Variants in TMEM67 observed in about 807,000 individuals in gnomAD.
The protein encoded by TMEM67 is meckelin.
TMEM67 carries 124 observed loss-of-function variants against 136.6 expected under a neutral mutation model. The ratio of observed to expected loss-of-function variants is 0.91; its 90% CI spans 0.78 to 1.05. The LOEUF is 1.05. TMEM67 is among the 50% of genes least tolerant of loss of function. TMEM67 has a pLI of 0.00. For missense variants in TMEM67, 1,107 were observed against 1,178.4 expected (o/e 0.94, Z 0.89); for synonymous variants, 364 against 390.5 (o/e 0.93, Z 0.80).
intron 23 of TMEM67, among the ~76,000 whole-genome samples, chr8:93,808,140 T>C (rs1466550240): frequency 6.6e-6 from 1 of 150,858 alleles, no homozygotes; most frequent in Non-Finnish European, 1.5e-5. Context: ...AGAATATCAA[T>C]ATACAATAAA....
intron 7 of TMEM67, among the ~76,000 whole-genome samples, chr8:93,775,696 T>C (rs976845638): frequency 6.6e-6 from 1 of 152,242 alleles, no homozygotes; most frequent in African/African-American, 2.4e-5. Context: ...GCCTCTGTTC[T>C]GTTCCATTGG....
intron 14 of TMEM67, among the ~76,000 whole-genome samples, chr8:93,790,027 A>G (rs1012464136): frequency 6.6e-6 from 1 of 152,186 alleles, no homozygotes; most frequent in Non-Finnish European, 1.5e-5. Context: ...GCAGTAAACC[A>G]AGATTGCACC....
At chr8:93,764,297 T>C (rs992423559) in intron 4 of TMEM67, among the ~76,000 whole-genome samples, 1 of 152,224 alleles carries the variant, frequency 6.6e-6, no homozygotes, top group African/African-American at 2.4e-5. Context: ...AACCACTCTG[T>C]ACAGGGTAGC....
the TMEM67 span, among the ~76,000 whole-genome samples, chr8:93,830,194 G>C: frequency 6.6e-6 from 1 of 152,132 alleles, no homozygotes; most frequent in African/African-American, 2.4e-5. Flanking sequence ...GGCCCAAGAG[G>C]ACAGCATTTG....
Position 93,795,381 on chromosome 8 carries a change from A to C in TMEM67, c.1675-28A>C, listed in dbSNP as rs1031805472. Reference sequence around the variant, plus strand: ...GTGGTATATACATGGAGTCTTAAACAGCTGTAATTCTTTTTTTTAAATTGC... The same window carrying C: ...GTGGTATATACATGGAGTCTTAAACCGCTGTAATTCTTTTTTTTAAATTGC... On this transcript the variant is annotated intron_variant, in intron 16 of 27. Transcript: ENST00000453321. 1.3e-5 allele frequency: 21 copies of C among 1,579,452 alleles called. No individual in the cohort carries two copies. In the Admixed American group the frequency reaches 3.2e-4, roughly 24 times the overall value.
At chr8:93,758,621 T>G (rs1392005257) in intron 3 of TMEM67, 45 bp downstream of exon 3, 1 of 1,480,418 alleles carries the variant, frequency 6.8e-7, no homozygotes, top group Middle Eastern at 1.7e-4. Context: ...AAATCTTCAT[T>G]CTTGTTTTTG....
the TMEM67 span, among the ~76,000 whole-genome samples, chr8:93,828,972 A>G: frequency 6.6e-6 from 1 of 152,118 alleles, no homozygotes; most frequent in Admixed American, 6.5e-5. Context: ...TTCTTGTAAC[A>G]TTATGTGTAT....
intron 23 of TMEM67, among the ~76,000 whole-genome samples, chr8:93,808,229 A>C (rs1401151734): frequency 1.4e-5 from 2 of 146,864 alleles, no homozygotes; most frequent in East Asian, 2.0e-4. Flanking sequence ...AAATATATAT[A>C]TGCTCTACTT....
chr8:93,806,980 A>G (rs1815179266), intron 23 of TMEM67, among the ~76,000 whole-genome samples: 1 of 152,194 alleles, frequency 6.6e-6, no homozygotes, highest in Admixed American at 6.5e-5. Context: ...TATGCAAATC[A>G]AGAAAACACT....
At chr8:93,816,045 A>G (rs764868823) in intron 27 of TMEM67, among the ~76,000 whole-genome samples, 10 of 152,234 alleles carry the variant, frequency 6.6e-5, no homozygotes, top group Admixed American at 2.6e-4. Flanking sequence ...AAGAAATTCT[A>G]TCTCTAGTGA....
intron 7 of TMEM67, among the ~76,000 whole-genome samples, chr8:93,779,889 A>G (rs1192593447): frequency 6.6e-6 from 1 of 152,112 alleles, no homozygotes. Flanking sequence ...GTGCTGGGAG[A>G]ACCACTGCTC....
intron 23 of TMEM67, among the ~76,000 whole-genome samples, chr8:93,808,463 TTATC>T (rs1300175897): frequency 8.3e-4 from 2 of 2,408 alleles, no homozygotes; most frequent in Middle Eastern, 0.5. Context: ...AAATATATAT[TTATC>T]TATTATAGAT....
At chr8:93,796,448 G>GA (rs1190425352) in intron 18 of TMEM67, among the ~76,000 whole-genome samples, 2 of 152,162 alleles carry the variant, frequency 1.3e-5, no homozygotes, top group African/African-American at 4.8e-5. Flanking sequence ...CAATGTAGGT[G>GA]AATCTCTTTA....
At chr8:93,808,353 T>G (rs1815253113) in intron 23 of TMEM67, among the ~76,000 whole-genome samples, 2 of 132,534 alleles carry the variant, frequency 1.5e-5, no homozygotes, top group South Asian at 2.3e-4. Flanking sequence ...ATATATTTAT[T>G]ATAGATATAT....
chr8:93,806,235 A>G (rs1200572757), intron 23 of TMEM67, among the ~76,000 whole-genome samples: 3 of 152,192 alleles, frequency 2.0e-5, no homozygotes, highest in African/African-American at 7.2e-5. Flanking sequence ...ATCTGGTACA[A>G]TGTGTGGACT....
Position 93,809,096 on chromosome 8 carries a change from A to G in TMEM67, c.2596A>G (p.Thr866Ala). The G allele has an allele frequency of 1.2e-6, 2 of 1,611,904 alleles. No homozygotes were observed. The highest frequency in any genetic ancestry group is 1.7e-6 in the Non-Finnish European group (2 of 1,178,480). Residue 866 changes from threonine to alanine, a missense_variant, in exon 25 of 28, where the codon ACT becomes GCT. By Grantham distance (58) the Thr-to-Ala change is moderately conservative (BLOSUM62 0). Around this residue, in one of 3 missense-constraint regions of TMEM67, gnomAD observed 925 missense variants for 1,002.4 expected, o/e 0.92. Coordinates refer to ENST00000453321, the MANE Select transcript of TMEM67 (RefSeq NM_153704.6). The part of the protein sequence containing the change: ...PARLLSSSAS[T>A]FEQSIKAYHM... Reference sequence around the variant, plus strand: ...TAGACTACTGAGTTCATCAGCAAGTACTTTTGAGCAGAGTATAAAAGCATA... The same window carrying G: ...TAGACTACTGAGTTCATCAGCAAGTGCTTTTGAGCAGAGTATAAAAGCATA...
At chr8:93,807,738 A>G (rs79313446) in intron 23 of TMEM67, among the ~76,000 whole-genome samples, 3,139 of 152,144 alleles carry the variant, frequency 0.021, 98 homozygotes, top group African/African-American at 0.071. Flanking sequence ...CTTTAAGTGT[A>G]TAGAAAGCCA....
the TMEM67 span, among the ~76,000 whole-genome samples, chr8:93,825,104 T>G: frequency 1.3e-5 from 2 of 152,190 alleles, no homozygotes; most frequent in Non-Finnish European, 2.9e-5. Context: ...AGAAGTACAG[T>G]TGTTAGCACG....
At position 93,758,531 on chromosome 8, in the gene TMEM67, T is replaced by C. The variant is rs934823566; in HGVS notation, c.361T>C (p.Leu121=). ...GAACTGCATTTCTTGCCCTAGTGAC[T>C]TAACTGCCGAAGGAAAATGTCACTG... ...GWNCISCPSD[L]TAEGKCHCPI... is the part of the protein sequence containing the mutation. Residue 121 remains leucine, a synonymous_variant, in exon 3 of 28, where the codon TTA becomes CTA. Transcript: ENST00000453321. 7 of 1,614,084 alleles carry C rather than the reference T, an allele frequency of 4.3e-6. No homozygotes were observed. The highest frequency in any genetic ancestry group is 5.9e-6 in the Non-Finnish European group (7 of 1,179,960).
Sources: allele counts gnomAD v4.1 joint callset (sites outside exome capture counted in the v4.1 genomes callset), GRCh38; gene constraint gnomAD v4.1.1; regional missense constraint gnomAD v4.1.1; transcripts MANE v1.5; gene names NCBI Gene and HGNC (gene_info 2026-07-23, HGNC 2026-07-21).